Variants in HSD17B3 observed in about 807,000 individuals in gnomAD.
The protein encoded by HSD17B3 is hydroxysteroid 17-beta dehydrogenase 3, also known as 17-beta-hydroxysteroid dehydrogenase type 3.
HSD17B3 carries 29 observed loss-of-function variants against 41.1 expected under a neutral mutation model. The observed-to-expected ratio is 0.71, with a 90% CI of 0.53 to 0.96. The LOEUF (loss-of-function observed/expected upper bound fraction) is 0.96. Among genes scored for constraint, HSD17B3 ranks in the 40% least tolerant of loss-of-function variants. The pLI is 0.00. For missense variants in HSD17B3, 323 were observed against 374.6 expected, an observed-to-expected ratio of 0.86 and a Z score of 1.14; for synonymous variants, 126 against 145.6, an observed-to-expected ratio of 0.87 and a Z score of 0.97.
At chr9:96,260,646 T>G (rs1367859779) in intron 2 of HSD17B3, among the ~76,000 whole-genome samples, 1 of 152,054 alleles carries the variant, frequency 6.6e-6, no homozygotes, top group African/African-American at 2.4e-5. Context: ...TGCCTATAAG[T>G]CTCAGCTACT....
rs548291829 is a variant in HSD17B3 at position 96,255,626 on chromosome 9, G to A, written c.202-683C>T. Among the ~76,000 whole-genome samples, 28 of 152,210 alleles carry A rather than the reference G, an allele frequency of 1.8e-4. No homozygotes were observed. The South Asian group carries it at 5.6e-3, about 30-fold the overall frequency. The stretch of plus-strand genomic sequence containing the variant: ...GCTGGTCTCCAACTCCTGACCGCAT[G>A]TGATCCGTCCGCCTCAGCCTCCCAA... On this transcript the variant is annotated intron_variant, in intron 2 of 10. Coordinates refer to ENST00000375263, the MANE Select transcript of HSD17B3 (RefSeq NM_000197.2).
intron 1 of HSD17B3, among the ~76,000 whole-genome samples, chr9:96,300,762 G>A (rs1021365088): frequency 1.1e-4 from 16 of 152,170 alleles, no homozygotes; most frequent in East Asian, 5.8e-4. Context: ...CTGCATGGGC[G>A]TTCCAGTAGA....
intron 2 of HSD17B3, among the ~76,000 whole-genome samples, chr9:96,268,106 G>A (rs895500302): frequency 4.6e-5 from 7 of 152,204 alleles, no homozygotes; most frequent in African/African-American, 1.7e-4. Context: ...TGTATTTTTA[G>A]TAGTGATGGG....
chr9:96,241,139 C>T (rs2130705358), intron 9 of HSD17B3, among the ~76,000 whole-genome samples: 1 of 152,308 alleles, frequency 6.6e-6, no homozygotes, highest in South Asian at 2.1e-4. Context: ...AAATGCCCTG[C>T]CCAACACACA....
chr9:96,255,170 T>C (rs965152635), intron 2 of HSD17B3, among the ~76,000 whole-genome samples: 7 of 152,044 alleles, frequency 4.6e-5, no homozygotes, highest in Admixed American at 6.5e-5. Context: ...TTAACACTTA[T>C]TGTGTGTTTA....
intron 2 of HSD17B3, among the ~76,000 whole-genome samples, chr9:96,281,809 A>T (rs980751546): frequency 1.3e-5 from 2 of 152,176 alleles, no homozygotes; most frequent in Non-Finnish European, 2.9e-5. Flanking sequence ...CGTTGCTGCA[A>T]TGGGTGGTTT....
chr9:96,287,476 C>T (rs1826968962), intron 2 of HSD17B3, among the ~76,000 whole-genome samples: 1 of 151,826 alleles, frequency 6.6e-6, no homozygotes, highest in Non-Finnish European at 1.5e-5. Flanking sequence ...TTTGGGAGGC[C>T]GAGGCAGGCG....
At chr9:96,250,148 A>C in intron 5 of HSD17B3, 1 of 1,247,866 alleles carries the variant, frequency 8.0e-7, no homozygotes, top group Non-Finnish European at 1.0e-6. Flanking sequence ...GAACAGAAAG[A>C]CAAATGGTTG....
At chr9:96,285,776 T>A (rs1231421045) in intron 2 of HSD17B3, among the ~76,000 whole-genome samples, 2 of 152,306 alleles carry the variant, frequency 1.3e-5, no homozygotes, top group African/African-American at 4.8e-5. Flanking sequence ...ACCCTAATAG[T>A]TAAGCAGGAA....
rs1836199820 is a variant in HSD17B3, at chr9:96,235,520, G to C, written c.873C>G (p.Phe291Leu). ...IPAWAFYSGA[F>L]QRLLLTHYVA... ...CATAGTGTGTCAGGAGCAGCCTTTG[G>C]AAGGCACCGCTGTAGAAGGCCCAGG... Residue 291 changes from phenylalanine to leucine, a missense_variant, in exon 11 of 11, where the codon TTC (phenylalanine) becomes TTG (leucine). Coordinates refer to ENST00000375263, the MANE Select transcript of HSD17B3 (RefSeq NM_000197.2). The C allele has an allele frequency of 6.2e-7, 1 of 1,614,160 alleles. No individual in the cohort carries two copies. The highest frequency in any genetic ancestry group is 1.3e-5 in the African/African-American group (1 of 75,050).
At chr9:96,264,875 T>C (rs1825996931) in intron 2 of HSD17B3, among the ~76,000 whole-genome samples, 1 of 152,242 alleles carries the variant, frequency 6.6e-6, no homozygotes, top group Admixed American at 6.5e-5. Flanking sequence ...TAAGGCTACC[T>C]TTAGCTTTAT....
intron 2 of HSD17B3, among the ~76,000 whole-genome samples, chr9:96,277,053 T>C (rs915517035): frequency 1.6e-4 from 25 of 151,896 alleles, no homozygotes; most frequent in African/African-American, 5.6e-4. Flanking sequence ...GACAAAAAAT[T>C]AGCTGGGCGT....
intron 9 of HSD17B3, among the ~76,000 whole-genome samples, chr9:96,243,607 A>G (rs993638726): frequency 6.6e-6 from 1 of 152,240 alleles, no homozygotes; most frequent in Non-Finnish European, 1.5e-5. Flanking sequence ...CACAACAATA[A>G]CAAAACAAAA....
intron 5 of HSD17B3, chr9:96,250,248 G>GACACAGACACTAGCACAA: frequency 9.0e-7 from 1 of 1,114,208 alleles, no homozygotes; most frequent in Non-Finnish European, 1.1e-6. Flanking sequence ...CAAGAGGACG[G>GACACAGACACTAGCACAA]ACACAGACAC....
chr9:96,283,452 T>A (rs561900198), intron 2 of HSD17B3, among the ~76,000 whole-genome samples: 1 of 152,334 alleles, frequency 6.6e-6, no homozygotes, highest in East Asian at 1.9e-4. Context: ...GAATTGAGTC[T>A]GACATCAATA....
chr9:96,248,829 A>G (rs1458601445), intron 6 of HSD17B3, among the ~76,000 whole-genome samples: 2 of 152,066 alleles, frequency 1.3e-5, no homozygotes, highest in Non-Finnish European at 2.9e-5. Context: ...GACTCATGCT[A>G]TACATCTTTG....
intron 6 of HSD17B3, among the ~76,000 whole-genome samples, chr9:96,247,676 G>A (rs968569580): frequency 1.3e-5 from 2 of 152,184 alleles, no homozygotes; most frequent in African/African-American, 4.8e-5. Flanking sequence ...TATTATATGA[G>A]CCTTGTCAGC....
intron 2 of HSD17B3, among the ~76,000 whole-genome samples, chr9:96,272,403 CTCTATATA>C (rs1328405166): frequency 2.2e-3 from 63 of 28,124 alleles, no homozygotes; most frequent in African/African-American, 7.8e-3. Context: ...CTCTCTCTCT[CTCTATATA>C]TATATATATA....
intron 10 of HSD17B3, among the ~76,000 whole-genome samples, 162 bp from the exon 11 acceptor site, chr9:96,235,732 T>C (rs1349388147): frequency 6.6e-6 from 1 of 152,244 alleles, no homozygotes; most frequent in African/African-American, 2.4e-5. Context: ...CTTTCTCAGC[T>C]CACAAGGTTT....
Sources: gnomAD v4.1 joint callset for allele counts (sites outside exome capture counted in the v4.1 genomes callset) on GRCh38, gnomAD v4.1.1 for gene constraint, MANE v1.5 for transcripts, NCBI Gene and HGNC (gene_info 2026-07-23, HGNC 2026-07-21) for gene names.